Variants in FILIP1L observed in about 807,000 individuals in gnomAD.
FILIP1L encodes filamin A interacting protein 1 like.
In FILIP1L, 55 loss-of-function variants were observed where a neutral mutation model predicts 96.6. That is an observed-to-expected ratio of 0.57 (90% CI 0.46 to 0.71). The LOEUF (loss-of-function observed/expected upper bound fraction) is 0.71. FILIP1L is among the 30% of genes least tolerant of loss of function. FILIP1L has a pLI of 0.00. For synonymous variants in FILIP1L, 467 were observed against 473.9 expected (o/e 0.99, Z 0.19); for missense variants, 1,304 against 1,321.2 (o/e 0.99, Z 0.20).
intron 4 of FILIP1L, among the ~76,000 whole-genome samples, chr3:99,867,134 A>G (rs559457316): frequency 6.6e-6 from 1 of 152,348 alleles, no homozygotes; most frequent in South Asian, 2.1e-4. Flanking sequence ...TAATTCCATC[A>G]AAATATGACA....
intron 1 of FILIP1L, among the ~76,000 whole-genome samples, chr3:99,931,972 C>T (rs1286714345): frequency 6.6e-6 from 1 of 152,148 alleles, no homozygotes; most frequent in Non-Finnish European, 1.5e-5. Context: ...CTTTCATCAT[C>T]GCCAGTACCT....
At chr3:100,110,009 A>C (rs1284889599) in intron 1 of FILIP1L, 1 of 149,158 alleles carries the variant, frequency 6.7e-6, no homozygotes, top group Non-Finnish European at 1.5e-5. Flanking sequence ...TGTTCGAAGA[A>C]GAAAGATTAG....
At chr3:100,073,417 A>G (rs1467423164) in intron 1 of FILIP1L, among the ~76,000 whole-genome samples, 1 of 152,200 alleles carries the variant, frequency 6.6e-6, no homozygotes, top group African/African-American at 2.4e-5. Context: ...GAAAGTATAC[A>G]TTTAAATACA....
chr3:100,027,953 A>G (rs562224357), intron 1 of FILIP1L, among the ~76,000 whole-genome samples: 2 of 152,284 alleles, frequency 1.3e-5, no homozygotes, highest in Admixed American at 6.5e-5. Context: ...GACCATGGTA[A>G]GGAGTTTGAA....
At chr3:99,893,113 T>G (rs1377832677) in intron 4 of FILIP1L, among the ~76,000 whole-genome samples, 1 of 152,070 alleles carries the variant, frequency 6.6e-6, no homozygotes, top group African/African-American at 2.4e-5. Flanking sequence ...AGAAGACACC[T>G]TTCTGCTTTC....
In FILIP1L at chr3:99,852,733, C is replaced by T. The variant is rs114765451; in HGVS notation, c.606-1663G>A. Among the ~76,000 whole-genome samples, 1,177 of 152,170 alleles carry T rather than the reference C, an allele frequency of 7.7e-3. 10 individuals carry two copies. The highest frequency in any genetic ancestry group is 0.011 in the Non-Finnish European group (758 of 67,982). On this transcript the variant is annotated intron_variant, in intron 4 of 5. Transcript: ENST00000477258. ...TGCTGAGATAACAGGTGTGAGCCACCGTGCCGGCTGAGAGAACATTTTAAA... is the reference window on the plus strand; with the variant it reads ...TGCTGAGATAACAGGTGTGAGCCACTGTGCCGGCTGAGAGAACATTTTAAA...
chr3:100,083,922 A>C (rs1221247129), intron 1 of FILIP1L, among the ~76,000 whole-genome samples: 1 of 152,134 alleles, frequency 6.6e-6, no homozygotes, highest in East Asian at 1.9e-4. Flanking sequence ...CAGAAGTACT[A>C]AGGTTGTGAG....
At chr3:99,942,542 G>A (rs905191607) in intron 1 of FILIP1L, among the ~76,000 whole-genome samples, 2 of 152,172 alleles carry the variant, frequency 1.3e-5, no homozygotes, top group African/African-American at 4.8e-5. Flanking sequence ...TTTAAGAAGT[G>A]GTTTCCTTGC....
At chr3:100,086,143 G>C (rs1405999317) in intron 1 of FILIP1L, among the ~76,000 whole-genome samples, 2 of 152,208 alleles carry the variant, frequency 1.3e-5, no homozygotes, top group African/African-American at 2.4e-5. Flanking sequence ...CCTGCATAAA[G>C]AGCATAGAAC....
At chr3:100,103,211 T>C (rs868540232) in intron 1 of FILIP1L, among the ~76,000 whole-genome samples, 2 of 152,274 alleles carry the variant, frequency 1.3e-5, no homozygotes, top group South Asian at 4.1e-4. Context: ...CAAGCAGCTT[T>C]TTGAAAGAAG....
At chr3:99,964,828 A>G (rs1377228928) in intron 1 of FILIP1L, among the ~76,000 whole-genome samples, 1 of 152,142 alleles carries the variant, frequency 6.6e-6, no homozygotes, top group Non-Finnish European at 1.5e-5. Context: ...CCTCTCATCT[A>G]CTATGCTCCC....
chr3:100,047,229 G>T (rs1468405288), intron 1 of FILIP1L, among the ~76,000 whole-genome samples: 1 of 152,122 alleles, frequency 6.6e-6, no homozygotes, highest in African/African-American at 2.4e-5. Flanking sequence ...GGAGGGAAGT[G>T]TTGTTATTTT....
chr3:99,934,003 G>T (rs1318390189), intron 1 of FILIP1L, among the ~76,000 whole-genome samples: 2 of 152,176 alleles, frequency 1.3e-5, no homozygotes, highest in African/African-American at 4.8e-5. Context: ...TCTAAGACGG[G>T]CTCTCACGTA....
Position 99,849,598 on chromosome 3 carries a change from G to A in FILIP1L, c.2078C>T (p.Thr693Ile). 1 of 1,613,398 alleles carries A rather than the reference G, an allele frequency of 6.2e-7. No individual in the cohort carries two copies. Among genetic ancestry groups the A allele is most frequent in the East Asian group, 2.2e-5 (1 of 44,870 alleles). ...ELAKYKLAEKTETSHEQWLFK... is the reference protein window; with the variant it reads ...ELAKYKLAEKIETSHEQWLFK... ...AAGCCATTGTTCATGGCTGGTCTCT[G>A]TCTTTTCTGCTAACTTGTACTTAGC... Residue 693 changes from threonine (T) to isoleucine (I), a missense_variant, in exon 5 of 6, where the codon ACA (threonine) becomes ATA (isoleucine). Thr to Ile is a moderately conservative substitution (Grantham distance 89, BLOSUM62 -1). Coordinates refer to ENST00000477258, the MANE Select transcript of FILIP1L (RefSeq NM_001387850.1).
chr3:99,924,549 G>T (rs1259529169), intron 3 of FILIP1L, 141 bp from the exon 4 acceptor site: 2 of 827,474 alleles, frequency 2.4e-6, no homozygotes, highest in Non-Finnish European at 3.8e-6. Flanking sequence ...AACAGTTTTC[G>T]CTGTCGTTGC....
chr3:100,063,483 G>T (rs988086868), intron 1 of FILIP1L, among the ~76,000 whole-genome samples: 1 of 151,834 alleles, frequency 6.6e-6, no homozygotes, highest in African/African-American at 2.4e-5. Flanking sequence ...TTCTCCAGGT[G>T]AATTTACTTT....
At chr3:100,007,579 A>G (rs751575307) in intron 1 of FILIP1L, among the ~76,000 whole-genome samples, 1 of 152,208 alleles carries the variant, frequency 6.6e-6, no homozygotes, top group Non-Finnish European at 1.5e-5. Context: ...ACTCTCAGTT[A>G]TGTGACTGAG....
chr3:99,981,095 G>A (rs76287786), intron 1 of FILIP1L, among the ~76,000 whole-genome samples: 5 of 152,204 alleles, frequency 3.3e-5, no homozygotes, highest in African/African-American at 1.2e-4. Context: ...TCACATTTGT[G>A]TGGGATTACA....
intron 1 of FILIP1L, among the ~76,000 whole-genome samples, chr3:100,067,088 G>T (rs1359028496): frequency 1.3e-5 from 2 of 152,190 alleles, no homozygotes; most frequent in Non-Finnish European, 2.9e-5. Context: ...GGGCCACTGA[G>T]ATGCATGTTC....
Sources: gnomAD v4.1 joint callset for allele counts (sites outside exome capture counted in the v4.1 genomes callset) on GRCh38, gnomAD v4.1.1 for gene constraint, MANE v1.5 for transcripts, NCBI Gene and HGNC (gene_info 2026-07-23, HGNC 2026-07-21) for gene names.